Variants in DENND1A observed in about 807,000 individuals in gnomAD.
DENND1A encodes DENN domain-containing protein 1A.
A neutral mutation model predicts 113.7 loss-of-function variants in DENND1A; 51 were observed. The observed-to-expected ratio is 0.45, with a 90% CI of 0.36 to 0.57. The LOEUF (loss-of-function observed/expected upper bound fraction) is 0.57, where lower values mean the gene tolerates loss of function less well. DENND1A is among the 20% of genes least tolerant of loss of function. The probability of loss-of-function intolerance (pLI) is 0.00; values close to 1 mark genes in which losing one functional copy is unlikely to be tolerated. For missense variants in DENND1A, 1,258 were observed against 1,395.9 expected, an observed-to-expected ratio of 0.90 and a Z score of 1.57; for synonymous variants, 565 against 570.8, an observed-to-expected ratio of 0.99 and a Z score of 0.14.
Position 123,667,078 on chromosome 9 carries a change from T to C in DENND1A, c.455A>G (p.His152Arg). The C allele has an allele frequency of 6.2e-7, 1 of 1,600,318 alleles. No individual in the cohort carries two copies. The highest frequency in any genetic ancestry group is 8.5e-7 in the Non-Finnish European group (1 of 1,175,882). ...GGTATCAGGCACAGTAAAATAAGAA[T>C]GCTAGAAAAGAAAAGCAAAAGTGAT... ...DPGVSVHLSV[H>R]SYFTVPDTRE... Residue 152 changes from histidine (H) to arginine (R), a missense_variant and splice_region_variant, in exon 8 of 24, where the codon CAT becomes CGT. Physicochemically the swap from His to Arg is conservative, Grantham distance 29. Transcript: ENST00000394215.
At chr9:123,624,161 C>T (rs551404071) in intron 10 of DENND1A, among the ~76,000 whole-genome samples, 1 of 152,278 alleles carries the variant, frequency 6.6e-6, no homozygotes, top group East Asian at 1.9e-4. Context: ...TTTTGTGTAT[C>T]CCCTGCATGG....
At chr9:123,555,598 C>T (rs2057372659) in intron 13 of DENND1A, among the ~76,000 whole-genome samples, 1 of 152,218 alleles carries the variant, frequency 6.6e-6, no homozygotes, top group Non-Finnish European at 1.5e-5. Flanking sequence ...TGTGTTATGG[C>T]TCAATTGATC....
chr9:123,645,914 T>A (rs1262799611), intron 9 of DENND1A, among the ~76,000 whole-genome samples: 1 of 152,190 alleles, frequency 6.6e-6, no homozygotes, highest in Admixed American at 6.5e-5. Context: ...CTGCCTTCCC[T>A]TTGCAAATGA....
At chr9:123,770,740 C>T (rs1238878907) in intron 3 of DENND1A, among the ~76,000 whole-genome samples, 3 of 152,158 alleles carry the variant, frequency 2.0e-5, no homozygotes, top group African/African-American at 7.2e-5. Flanking sequence ...CAAACCTGCC[C>T]ATTGCAAACC....
At chr9:123,457,978 C>T (rs915775369) in intron 13 of DENND1A, 81 bp from the exon 14 acceptor site, 8 of 1,011,016 alleles carry the variant, frequency 7.9e-6, no homozygotes, top group East Asian at 2.7e-5. Context: ...TGCAGAGTTT[C>T]TCCATCTGCT....
intron 2 of DENND1A, among the ~76,000 whole-genome samples, chr9:123,844,101 T>C (rs559583469): frequency 9.9e-5 from 15 of 152,048 alleles, no homozygotes; most frequent in African/African-American, 3.1e-4. Context: ...AAAAAAATGA[T>C]ATAATTAATA....
chr9:123,897,067 T>A (rs1014578358), intron 1 of DENND1A, among the ~76,000 whole-genome samples: 1 of 151,982 alleles, frequency 6.6e-6, no homozygotes, highest in African/African-American at 2.4e-5. Flanking sequence ...GCAAAATAAA[T>A]AAAAAGAAAT....
chr9:123,911,924 G>C (rs1214463858), intron 1 of DENND1A, among the ~76,000 whole-genome samples: 1 of 151,980 alleles, frequency 6.6e-6, no homozygotes, highest in East Asian at 1.9e-4. Context: ...TCAATCTCCT[G>C]ACCTCATGAT....
At chr9:123,540,209 G>A (rs918157877) in intron 13 of DENND1A, among the ~76,000 whole-genome samples, 21 of 152,218 alleles carry the variant, frequency 1.4e-4, no homozygotes, top group African/African-American at 4.8e-4. Flanking sequence ...CTTACGAAGA[G>A]CCAGGTACCA....
chr9:123,865,307 T>C (rs1845656272), intron 2 of DENND1A, among the ~76,000 whole-genome samples: 1 of 152,204 alleles, frequency 6.6e-6, no homozygotes, highest in African/African-American at 2.4e-5. Flanking sequence ...TCAACTCAAT[T>C]TCCATTCAGC....
At chr9:123,628,062 C>T (rs2061319234) in intron 10 of DENND1A, among the ~76,000 whole-genome samples, 1 of 152,066 alleles carries the variant, frequency 6.6e-6, no homozygotes, top group Non-Finnish European at 1.5e-5. Flanking sequence ...AGTAATGGAG[C>T]AGAGACAGGG....
chr9:123,629,150 C>T (rs145451306), intron 10 of DENND1A, among the ~76,000 whole-genome samples: 4 of 152,302 alleles, frequency 2.6e-5, no homozygotes, highest in African/African-American at 9.6e-5. Flanking sequence ...GAATGGAGAT[C>T]CCAGCAAAAG....
chr9:123,827,865 C>T (rs930848808), intron 2 of DENND1A, among the ~76,000 whole-genome samples: 2 of 152,154 alleles, frequency 1.3e-5, no homozygotes. Context: ...GGGGATGAGA[C>T]AATTGCTAGC....
chr9:123,415,519 G>C lies in DENND1A; in HGVS notation c.1489-3690C>G, dbSNP rs73573372. On this transcript the variant is annotated intron_variant, in intron 19 of 23. Coordinates refer to ENST00000394215, the MANE Select transcript of DENND1A (RefSeq NM_001352964.2). ...GCAGGCCCTGGGGACCAGAGCTGAG[G>C]CTGGGGACAGGTGAGCAGCTGGATT... 1.3e-3 allele frequency among the ~76,000 whole-genome samples: 196 copies of C among 152,350 alleles called. 1 individual carries two copies. Among genetic ancestry groups the C allele is most frequent in the African/African-American group, 4.6e-3 (191 of 41,592 alleles).
In DENND1A at chr9:123,401,451, G is replaced by A. The variant is rs565714599; in HGVS notation, c.1631+1951C>T. Reference sequence around the variant, plus strand: ...ACTTCCCCTTCCTCGTTAAACAAACGTGAACAGAAACCCTTGGAATGATGT... The same window carrying A: ...ACTTCCCCTTCCTCGTTAAACAAACATGAACAGAAACCCTTGGAATGATGT... On this transcript the variant is annotated intron_variant, in intron 21 of 23. Transcript: ENST00000394215. The A allele has an allele frequency of 1.3e-5, 14 of 1,088,066 alleles. No homozygotes were observed. The South Asian group carries it at 1.8e-4, about 14-fold the overall frequency. 67.4% of individuals were successfully genotyped at this position (1,088,066 alleles called of 1,614,324 possible).
chr9:123,458,146 GC>G (rs1564526277), intron 13 of DENND1A, among the ~76,000 whole-genome samples: 2 of 151,750 alleles, frequency 1.3e-5, no homozygotes, highest in African/African-American at 2.4e-5. Context: ...GATTACAGCT[GC>G]CCCCCACCAC....
intron 15 of DENND1A, among the ~76,000 whole-genome samples, chr9:123,456,447 T>C (rs1318493691): frequency 6.6e-6 from 1 of 152,054 alleles, no homozygotes; most frequent in Non-Finnish European, 1.5e-5. Flanking sequence ...CTCTGAAAAA[T>C]GAGAAGACAA....
chr9:123,844,108 AAT>A (rs1842228399), intron 2 of DENND1A, among the ~76,000 whole-genome samples: 1 of 150,966 alleles, frequency 6.6e-6, no homozygotes, highest in Admixed American at 6.6e-5. Context: ...TGATATAATT[AAT>A]ATCATAATTA....
intron 1 of DENND1A, among the ~76,000 whole-genome samples, chr9:123,927,854 G>A (rs1229969127): frequency 6.6e-6 from 1 of 152,196 alleles, no homozygotes; most frequent in African/African-American, 2.4e-5. Context: ...AGTAACCAAA[G>A]CTCTGTCTTC....
Sources: allele counts gnomAD v4.1 joint callset (sites outside exome capture counted in the v4.1 genomes callset), GRCh38; gene constraint gnomAD v4.1.1; transcripts MANE v1.5; gene names NCBI Gene and HGNC (gene_info 2026-07-23, HGNC 2026-07-21).